LUZP2: variants seen among roughly 807,000 people sequenced by gnomAD.
LUZP2 encodes the protein leucine zipper protein 2.
Under a neutral mutation model 51.6 loss-of-function variants are expected in LUZP2, and 52 were observed. The ratio of observed to expected loss-of-function variants is 1.01; its 90% CI spans 0.81 to 1.27. The LOEUF (loss-of-function observed/expected upper bound fraction) is 1.27. Among genes scored for constraint, LUZP2 ranks in the 50% most tolerant of loss-of-function variants. The pLI is 0.00. For missense variants in LUZP2, 436 were observed against 395.4 expected, an observed-to-expected ratio of 1.10 and a Z score of -0.87; for synonymous variants, 154 against 137.3, an observed-to-expected ratio of 1.12 and a Z score of -0.85.
chr11:24,575,524 T>A (rs1032340968), intron 1 of LUZP2, among the ~76,000 whole-genome samples: 1 of 152,212 alleles, frequency 6.6e-6, no homozygotes, highest in Non-Finnish European at 1.5e-5. Flanking sequence ...ATGATTCCTA[T>A]GATTCATGAT....
chr11:24,962,762 C>T (rs890027702), intron 7 of LUZP2, among the ~76,000 whole-genome samples: 9 of 152,226 alleles, frequency 5.9e-5, no homozygotes, highest in Non-Finnish European at 1.2e-4. Flanking sequence ...TCTCTCAACT[C>T]GTCAAAGTCA....
intron 6 of LUZP2, among the ~76,000 whole-genome samples, chr11:24,913,260 G>T (rs1444981097): frequency 1.3e-5 from 2 of 152,104 alleles, no homozygotes; most frequent in African/African-American, 4.8e-5. Context: ...AAATGGAATT[G>T]TACAAAATAT....
intron 7 of LUZP2, among the ~76,000 whole-genome samples, chr11:24,946,024 G>A (rs1002577653): frequency 1.3e-4 from 19 of 151,938 alleles, no homozygotes; most frequent in African/African-American, 7.2e-5. Context: ...TGTCCCTGAT[G>A]ATTTTCATAT....
At chr11:24,671,561 TACACACACACAC>T (rs61319296) in intron 1 of LUZP2, among the ~76,000 whole-genome samples, 43 of 148,126 alleles carry the variant, frequency 2.9e-4, no homozygotes, top group African/African-American at 1.0e-3. Flanking sequence ...CTCTCTGTCT[TACACACACACAC>T]ACACACACAC....
At chr11:24,914,095 T>A (rs949287203) in intron 6 of LUZP2, among the ~76,000 whole-genome samples, 9 of 152,092 alleles carry the variant, frequency 5.9e-5, no homozygotes, top group African/African-American at 2.2e-4. Context: ...TAATTTAATT[T>A]AAAAAAAGTA....
chr11:24,776,311 C>T (rs1298359102), intron 5 of LUZP2, among the ~76,000 whole-genome samples: 2 of 152,018 alleles, frequency 1.3e-5, no homozygotes, highest in African/African-American at 2.4e-5. Flanking sequence ...CGGAAAAATC[C>T]CAGAGAAGAT....
intron 1 of LUZP2, among the ~76,000 whole-genome samples, chr11:24,507,944 CTCCT>C: frequency 6.6e-6 from 1 of 151,440 alleles, no homozygotes. Context: ...TTAGTTAATT[CTCCT>C]AGAGTGAAAA....
At chr11:24,777,888 CA>C (rs1319581668) in intron 5 of LUZP2, among the ~76,000 whole-genome samples, 2 of 150,844 alleles carry the variant, frequency 1.3e-5, no homozygotes, top group African/African-American at 4.9e-5. Context: ...ATACACTATA[CA>C]AGCATTATTT....
intron 5 of LUZP2, among the ~76,000 whole-genome samples, chr11:24,861,866 A>C (rs1279857228): frequency 6.6e-6 from 1 of 152,106 alleles, no homozygotes; most frequent in Non-Finnish European, 1.5e-5. Flanking sequence ...AGGGAACAGG[A>C]CCCATGATCA....
chr11:24,866,035 T>TTG (rs1205005100), intron 5 of LUZP2, among the ~76,000 whole-genome samples: 2 of 151,586 alleles, frequency 1.3e-5, no homozygotes, highest in Non-Finnish European at 2.9e-5. Context: ...TCTCGAACTC[T>TTG]TGACCTCGAG....
chr11:25,007,390 G>A (rs1856862232), intron 9 of LUZP2, among the ~76,000 whole-genome samples: 1 of 152,146 alleles, frequency 6.6e-6, no homozygotes, highest in African/African-American at 2.4e-5. Context: ...ATCACTTGAG[G>A]TCAGGAGTTC....
At chr11:24,901,990 C>T (rs1209249270) in intron 5 of LUZP2, among the ~76,000 whole-genome samples, 1 of 152,052 alleles carries the variant, frequency 6.6e-6, no homozygotes, top group Non-Finnish European at 1.5e-5. Flanking sequence ...ATATTTTGGT[C>T]TCCCTTAATA....
chr11:24,927,417 T>C (rs1854312532), intron 7 of LUZP2, among the ~76,000 whole-genome samples: 1 of 152,114 alleles, frequency 6.6e-6, no homozygotes, highest in South Asian at 2.1e-4. Context: ...ATTTGATCCA[T>C]CTTGAGTTGA....
At chr11:24,597,872 C>G (rs574652035) in intron 1 of LUZP2, among the ~76,000 whole-genome samples, 2 of 151,962 alleles carry the variant, frequency 1.3e-5, no homozygotes, top group African/African-American at 4.8e-5. Flanking sequence ...GAGGCCAAGG[C>G]GGGTGGAACA....
At chr11:24,665,164 T>G (rs1590318479) in intron 1 of LUZP2, among the ~76,000 whole-genome samples, 1 of 152,220 alleles carries the variant, frequency 6.6e-6, no homozygotes, top group South Asian at 2.1e-4. Flanking sequence ...AAACATGGAG[T>G]CAAAGGAGAT....
intron 1 of LUZP2, among the ~76,000 whole-genome samples, chr11:24,708,456 A>G (rs1857687715): frequency 6.6e-6 from 1 of 152,124 alleles, no homozygotes; most frequent in African/African-American, 2.4e-5. Flanking sequence ...TGCCTCTTGT[A>G]TATCATTATT....
At chr11:25,050,879 T>C (rs1858489510) in intron 10 of LUZP2, among the ~76,000 whole-genome samples, 1 of 152,188 alleles carries the variant, frequency 6.6e-6, no homozygotes, top group South Asian at 2.1e-4. Flanking sequence ...TTCCTTCAAA[T>C]GATAGGAAAT....
At position 25,079,179 on chromosome 11, in the gene LUZP2, A is replaced by T. The variant is rs1302509556; in HGVS notation, c.*521A>T. 6.6e-6 allele frequency: 1 copy of T among 152,304 alleles called. No homozygotes were observed. The highest frequency in any genetic ancestry group is 1.9e-4 in the East Asian group (1 of 5,206). 9.4% of individuals were successfully genotyped at this position (152,304 alleles called of 1,614,324 possible). On this transcript the variant is annotated 3_prime_UTR_variant, in exon 12 of 12. Transcript: ENST00000336930. ...TTGCTATTGGTATTATTTTGAACTA[A>T]TAACAATTATTTTGTCTAAATAATG...
chr11:24,659,570 T>A (rs553403897), intron 1 of LUZP2, among the ~76,000 whole-genome samples: 61 of 151,922 alleles, frequency 4.0e-4, no homozygotes, highest in African/African-American at 1.4e-3. Context: ...TTAAGTATAA[T>A]TAAAAAAAAA....
Sources: allele counts gnomAD v4.1 joint callset (sites outside exome capture counted in the v4.1 genomes callset), GRCh38; gene constraint gnomAD v4.1.1; transcripts MANE v1.5; gene names NCBI Gene and HGNC (gene_info 2026-07-23, HGNC 2026-07-21).